PUM1: variants seen among roughly 807,000 people sequenced by gnomAD.
PUM1 encodes pumilio RNA binding family member 1.
PUM1 carries 13 observed loss-of-function variants against 131.8 expected under a neutral mutation model. That is an observed-to-expected ratio of 0.10 (90% confidence interval 0.06 to 0.16). The LOEUF (loss-of-function observed/expected upper bound fraction) is 0.16, where lower values mean the gene tolerates loss of function less well. PUM1 is among the 10% of genes least tolerant of loss of function. The pLI, the probability that PUM1 is intolerant of heterozygous loss-of-function variation, is 1.00. For synonymous variants in PUM1, 509 were observed against 556.5 expected (o/e 0.91, Z 1.20); for missense variants, 961 against 1,512.4 (o/e 0.64, Z 6.05).
intron 10 of PUM1, 92 bp downstream of exon 10, chr1:30,974,557 TCA>T (rs1179885644): frequency 6.3e-5 from 78 of 1,234,452 alleles, no homozygotes; most frequent in Middle Eastern, 2.8e-4. Flanking sequence ...ATTCATGCAT[TCA>T]CAGTGTTTTT....
At chr1:30,981,427 G>T in intron 7 of PUM1, 22 bp from the exon 8 acceptor site, 2 of 1,475,604 alleles carry the variant, frequency 1.4e-6, no homozygotes, top group Non-Finnish European at 1.9e-6. Context: ...GGAAAAACAC[G>T]GTGTGGTTAG....
intron 6 of PUM1, among the ~76,000 whole-genome samples, chr1:30,992,989 A>G (rs1330549242): frequency 6.6e-6 from 1 of 152,226 alleles, no homozygotes; most frequent in Non-Finnish European, 1.5e-5. Flanking sequence ...AGCAGATCCC[A>G]AAATGCATCA....
At chr1:31,023,925 A>C (rs1358489945) in intron 3 of PUM1, among the ~76,000 whole-genome samples, 1 of 57,220 alleles carries the variant, frequency 1.7e-5, no homozygotes, top group Non-Finnish European at 2.9e-5. Flanking sequence ...ACTCTGTCTC[A>C]AAAAAAAAAA....
chr1:31,048,626 C>T (rs556792659), intron 2 of PUM1, among the ~76,000 whole-genome samples: 1 of 151,880 alleles, frequency 6.6e-6, no homozygotes, highest in East Asian at 2.0e-4. Flanking sequence ...AGGCGCGTGC[C>T]ACCATGCCCA....
chr1:30,994,765 A>G (rs1425028988), intron 6 of PUM1, among the ~76,000 whole-genome samples: 1 of 152,232 alleles, frequency 6.6e-6, no homozygotes, highest in Non-Finnish European at 1.5e-5. Flanking sequence ...GGTGATTTTA[A>G]TATCTGAGAA....
chr1:30,972,675 G>A (rs1001449113), intron 10 of PUM1, among the ~76,000 whole-genome samples: 13 of 151,464 alleles, frequency 8.6e-5, no homozygotes, highest in African/African-American at 1.5e-4. Flanking sequence ...TCAGGAGGCT[G>A]AGGCAGAAGA....
chr1:30,952,264 A>G lies in PUM1; in HGVS notation c.2691T>C (p.Phe897=). 6.2e-7 allele frequency: 1 copy of G among 1,614,158 alleles called. No individual in the cohort carries two copies. The highest frequency in any genetic ancestry group is 2.2e-5 in the East Asian group (1 of 44,886). ...QAAYQLMVDV[F]GNYVIQKFFE... The stretch of plus-strand genomic sequence containing the variant: ...AGAACTTCTGAATGACGTAATTACC[A>G]AACACATCCACCATGAGTTGGTAGG... Residue 897 remains phenylalanine (F), a synonymous_variant, in exon 16 of 22, where the codon TTT becomes TTC. Coordinates refer to ENST00000426105, the MANE Select transcript of PUM1 (RefSeq NM_001020658.2).
intron 3 of PUM1, among the ~76,000 whole-genome samples, chr1:31,009,482 A>AGGG (rs1642515864): frequency 6.6e-6 from 1 of 152,104 alleles, no homozygotes; most frequent in Non-Finnish European, 1.5e-5. Context: ...CTCAAGGAAC[A>AGGG]GGGCCCAGCA....
chr1:31,017,589 CA>C (rs899234570), intron 3 of PUM1, among the ~76,000 whole-genome samples: 38 of 151,852 alleles, frequency 2.5e-4, no homozygotes, highest in African/African-American at 8.9e-4. Context: ...CCCAAGATCA[CA>C]TTCTTCCAAT....
chr1:31,055,153 C>A (rs1317972100), intron 2 of PUM1, among the ~76,000 whole-genome samples: 1 of 152,176 alleles, frequency 6.6e-6, no homozygotes, highest in Non-Finnish European at 1.5e-5. Flanking sequence ...CACCTCCTAT[C>A]CGTAACAGTG....
chr1:30,946,469 T>C (rs1177214200), intron 17 of PUM1, among the ~76,000 whole-genome samples: 3 of 151,476 alleles, frequency 2.0e-5, no homozygotes, highest in Non-Finnish European at 2.9e-5. Flanking sequence ...AAACCCCATC[T>C]CTACTAAAAA....
intron 2 of PUM1, among the ~76,000 whole-genome samples, chr1:31,038,149 G>GTT (rs1643677349): frequency 1.3e-5 from 2 of 151,720 alleles, no homozygotes; most frequent in Admixed American, 6.6e-5. Flanking sequence ...TGGCCAAATG[G>GTT]GTGGATACCT....
chr1:30,942,096 C>A lies in PUM1; in HGVS notation c.3022G>T (p.Gly1008Cys). 1 of 1,579,834 alleles carries A rather than the reference C, an allele frequency of 6.3e-7. No individual in the cohort carries two copies. The highest frequency in any genetic ancestry group is 1.1e-5 in the South Asian group (1 of 90,594). The part of the protein sequence containing the change: ...QVFALSTHPY[G>C]CRVIQRILEH... ...AGGATTCTCTGAATCACTCGGCAGC[C>A]ATAAGGATGTGTGGATAAGGCAAAT... is the stretch of plus-strand genomic sequence containing the variant. Residue 1008 changes from glycine to cysteine, a missense_variant, in exon 19 of 22, where the codon GGC (glycine) becomes TGC (cysteine). Around this residue, in one of 4 missense-constraint regions of PUM1, gnomAD observed 178 missense variants for 327.5 expected, o/e 0.54. Coordinates refer to ENST00000426105, the MANE Select transcript of PUM1 (RefSeq NM_001020658.2).
chr1:30,999,481 C>CCAGCTACTCGGGAGGCTA (rs1642114576), intron 5 of PUM1, among the ~76,000 whole-genome samples: 2 of 151,798 alleles, frequency 1.3e-5, no homozygotes, highest in African/African-American at 4.8e-5. Flanking sequence ...GTGGTGCACA[C>CCAGCTACTCGGGAGGCTA]CTGTAATCCC....
At position 30,974,669 on chromosome 1, in the gene PUM1, A is replaced by AGCCTGT. The variant is rs765325123; in HGVS notation, c.1482_1487dup (p.Ala496_Gln497dup). On this transcript the variant is annotated inframe_insertion, in exon 10 of 22. Transcript: ENST00000426105. ...CATTTACCTGCTGCTGTCCTTGCTG[A>AGCCTGT]GCCTGTGGGGTGGTCTGTTGATTAG... 6.2e-7 allele frequency: 1 copy of AGCCTGT among 1,608,410 alleles called. No individual in the cohort carries two copies. Among genetic ancestry groups the AGCCTGT allele is most frequent in the African/African-American group, 1.3e-5 (1 of 74,828 alleles).
chr1:31,029,738 G>A (rs1643349947), intron 2 of PUM1, among the ~76,000 whole-genome samples: 1 of 151,900 alleles, frequency 6.6e-6, no homozygotes, highest in African/African-American at 2.4e-5. Flanking sequence ...TGGGGAACAT[G>A]GCAAAATTCC....
chr1:31,004,777 C>G lies in PUM1; in HGVS notation c.720+1076G>C, dbSNP rs572336242. ...GGAAAATAGGACCAAGCCTCTGATA[C>G]CCAGCAAAAGATGTATAACACTAAG... On this transcript the variant is annotated intron_variant, in intron 5 of 21. Coordinates refer to ENST00000426105, the MANE Select transcript of PUM1 (RefSeq NM_001020658.2). 2.5e-3 allele frequency among the ~76,000 whole-genome samples: 383 copies of G among 152,260 alleles called. 2 individuals carry two copies. The highest frequency in any genetic ancestry group is 8.7e-3 in the African/African-American group (361 of 41,554).
At position 31,039,561 on chromosome 1, in the gene PUM1, T is replaced by C. The variant is rs539652012; in HGVS notation, c.364-10697A>G. Among the ~76,000 whole-genome samples the C allele has an allele frequency of 3.3e-5, 5 of 152,210 alleles. No homozygotes were observed. The South Asian group carries it at 8.3e-4, about 25-fold the overall frequency. ...ACTTTTTAAACACAGAAAAATGTTA[T>C]GTATGTGTAAGGATTCTATAACGTA... On this transcript the variant is annotated intron_variant, in intron 2 of 21. Coordinates refer to ENST00000426105, the MANE Select transcript of PUM1 (RefSeq NM_001020658.2).
intron 14 of PUM1, among the ~76,000 whole-genome samples, chr1:30,955,099 A>C (rs551640374): frequency 2.4e-4 from 37 of 151,970 alleles, no homozygotes; most frequent in South Asian, 4.2e-4. Context: ...ACAAAAAAAA[A>C]CAAAAACAAA....
Sources: gnomAD v4.1 joint callset for allele counts (sites outside exome capture counted in the v4.1 genomes callset) on GRCh38, gnomAD v4.1.1 for gene constraint, gnomAD v4.1.1 regional missense constraint, MANE v1.5 for transcripts, NCBI Gene and HGNC (gene_info 2026-07-23, HGNC 2026-07-21) for gene names.